The following UMOD variants were observed in gnomAD, a reference collection of about 807,000 sequenced individuals.
UMOD encodes the protein uromodulin, also known as Tamm-Horsfall urinary glycoprotein.
A neutral mutation model predicts 66.0 loss-of-function variants in UMOD; 64 were observed. The ratio of observed to expected loss-of-function variants is 0.97; its 90% CI spans 0.79 to 1.19. UMOD has a LOEUF of 1.19. Among genes scored for constraint, UMOD ranks in the 50% most tolerant of loss-of-function variants. UMOD has a pLI of 0.00. For synonymous variants in UMOD, 398 were observed against 352.7 expected (o/e 1.13, Z -1.44); for missense variants, 764 against 850.9 (o/e 0.90, Z 1.27).
Position 20,337,431 on chromosome 16 carries a change from T to TG in UMOD, c.1599_1600insC (p.Thr534HisfsTer27), listed in dbSNP as rs754109652. 6.2e-7 allele frequency: 1 copy of TG among 1,614,196 alleles called. No individual in the cohort carries two copies. Among genetic ancestry groups the TG allele is most frequent in the East Asian group, 2.2e-5 (1 of 44,880 alleles). ...TCCCCATTCTCCACCACTTGGATAG[T>TG]TGAGTCTCTAGTGTGTGGGCATCTG... On this transcript the variant is annotated frameshift_variant, in exon 8 of 11. Transcript: ENST00000396138. LOFTEE classifies it high-confidence loss of function.
At position 20,352,680 on chromosome 16, in the gene UMOD, T is replaced by C. The variant is rs1047463878; in HGVS notation, c.-103+9A>G. 3 of 1,231,676 alleles carry C rather than the reference T, an allele frequency of 2.4e-6. No individual in the cohort carries two copies. Among genetic ancestry groups the C allele is most frequent in the Non-Finnish European group, 3.0e-6 (3 of 987,922 alleles). 76.3% of individuals were successfully genotyped at this position (1,231,676 alleles called of 1,614,324 possible). On this transcript the variant is annotated intron_variant, in intron 1 of 10. Transcript: ENST00000396138. Reference sequence around the variant, plus strand: ...TGGGCTAGGAGAAGACAGCTACAGATAGCCTTACCTGAAGCCAGAAAGGTA... The same window carrying C: ...TGGGCTAGGAGAAGACAGCTACAGACAGCCTTACCTGAAGCCAGAAAGGTA...
Position 20,337,369 on chromosome 16 carries a change from C to T in UMOD, c.1662G>A (p.Arg554=). The stretch of plus-strand genomic sequence containing the variant: ...AGACTAGGTCATAGTTTCCAGCAAA[C>T]CGGAACATCTGGACGGAAAATCGGC... ...SQGRFSVQMF[R]FAGNYDLVYL... Residue 554 remains arginine, a synonymous_variant, in exon 8 of 11, where the codon CGG becomes CGA. Transcript: ENST00000396138. 4 of 1,614,196 alleles carry T rather than the reference C, an allele frequency of 2.5e-6. No individual in the cohort carries two copies. Among genetic ancestry groups the T allele is most frequent in the Non-Finnish European group, 3.4e-6 (4 of 1,180,042 alleles).
chr16:20,345,165 C>T (rs1489565390), intron 5 of UMOD, among the ~76,000 whole-genome samples: 1 of 152,082 alleles, frequency 6.6e-6, no homozygotes, highest in East Asian at 1.9e-4. Context: ...AGGTGCCCAC[C>T]AACAGGTCCA....
chr16:20,337,428 TA>T lies in UMOD; in HGVS notation c.1602del (p.Ile535SerfsTer27), dbSNP rs767425674. The T allele has an allele frequency of 6.2e-7, 1 of 1,614,200 alleles. No individual in the cohort carries two copies. The highest frequency in any genetic ancestry group is 2.2e-5 in the East Asian group (1 of 44,880). ...QDRCPHTRDS[T>X]IQVVENGESS... ...GACTCCCCATTCTCCACCACTTGGA[TA>T]GTTGAGTCTCTAGTGTGTGGGCATC... is the stretch of plus-strand genomic sequence containing the variant. On this transcript the variant is annotated frameshift_variant, in exon 8 of 11. Transcript: ENST00000396138. LOFTEE classifies it high-confidence loss of function.
chr16:20,344,776 C>A (rs1965449119), intron 5 of UMOD, among the ~76,000 whole-genome samples: 1 of 152,278 alleles, frequency 6.6e-6, no homozygotes, highest in African/African-American at 2.4e-5. Flanking sequence ...TGAGTCATAG[C>A]ATTAGTTCCT....
chr16:20,349,392 G>A (rs1004001956), intron 2 of UMOD, among the ~76,000 whole-genome samples, 180 bp from the exon 3 acceptor site: 8 of 152,186 alleles, frequency 5.3e-5, no homozygotes, highest in African/African-American at 1.4e-4. Flanking sequence ...AGCCTCCACC[G>A]TTCATTCTGT....
At position 20,348,291 on chromosome 16, in the gene UMOD, A is replaced by C. The variant is rs1035965806; in HGVS notation, c.905T>G (p.Ile302Arg). The C allele has an allele frequency of 6.2e-7, 1 of 1,614,228 alleles. No homozygotes were observed. Among genetic ancestry groups the C allele is most frequent in the East Asian group, 2.2e-5 (1 of 44,880 alleles). The change falls in exon 4 of 11, where the codon ATA becomes AGA. Residue 302 changes from isoleucine (I) to arginine (R), a missense_variant. By Grantham distance (97) the Ile-to-Arg change is moderately conservative. Coordinates refer to ENST00000396138, the MANE Select transcript of UMOD (RefSeq NM_003361.4). ...SVEGTCEECS[I>R]DEDCKSNNGR... is the part of the protein sequence containing the mutation. ...ATTATTCGATTTGCAGTCCTCGTCT[A>C]TACTGCACTCCTCACACGTCCCCTC...
At chr16:20,350,544 T>C (rs779316040) in intron 2 of UMOD, 106 bp downstream of exon 2, 2 of 1,375,054 alleles carry the variant, frequency 1.5e-6, no homozygotes, top group Admixed American at 1.9e-5. Flanking sequence ...TCAAGTGCGA[T>C]AGGAGGATTG....
intron 5 of UMOD, 30 bp downstream of exon 5, chr16:20,346,096 T>G: frequency 6.2e-7 from 1 of 1,605,030 alleles, no homozygotes. Flanking sequence ...GGCAGTGCTC[T>G]GGTTCTGTCC....
chr16:20,352,023 A>C lies in UMOD; in HGVS notation c.-103+666T>G, dbSNP rs893627927. Among the ~76,000 whole-genome samples, 89 of 122,888 alleles carry C rather than the reference A, an allele frequency of 7.2e-4. 2 individuals carry two copies. Among genetic ancestry groups the C allele is most frequent in the African/African-American group, 2.0e-3 (52 of 26,488 alleles). 80.6% of individuals were successfully genotyped at this position (122,888 alleles called of 152,430 possible). On this transcript the variant is annotated intron_variant, in intron 1 of 10. Transcript: ENST00000396138. ...ACAGAGAGTCCATCCCCCCCCCCCA[A>C]AAAAAAAAAGACAGAAAGAAAGAAA...
chr16:20,341,474 C>T (rs1463480995), intron 6 of UMOD, 138 bp from the exon 7 acceptor site: 12 of 1,500,860 alleles, frequency 8.0e-6, no homozygotes, highest in Non-Finnish European at 1.1e-5. Flanking sequence ...AACCCACCAA[C>T]TGTTGCTTTG....
In UMOD at chr16:20,333,686, G is replaced by A. The variant is rs576755136; in HGVS notation, c.1862-311C>T. On this transcript the variant is annotated intron_variant, in intron 10 of 10. Coordinates refer to ENST00000396138, the MANE Select transcript of UMOD (RefSeq NM_003361.4). ...CACAGAGAGCAAGCCTCTTAGGAGT[G>A]CTGTGACTCTCCATCTCTGAGCTCA... is the stretch of plus-strand genomic sequence containing the variant. Among the ~76,000 whole-genome samples the A allele has an allele frequency of 2.0e-4, 30 of 152,302 alleles. No homozygotes were observed. In the South Asian group the frequency reaches 6.2e-3, roughly 32 times the overall value.
intron 4 of UMOD, among the ~76,000 whole-genome samples, chr16:20,347,357 G>A (rs564311853): frequency 5.3e-5 from 8 of 152,254 alleles, no homozygotes; most frequent in South Asian, 2.1e-4. Flanking sequence ...AGCAGGCCTC[G>A]GGCTGAGAGT....
rs1298556095 is a variant in UMOD at position 20,350,693 on chromosome 16, G to A, written c.45C>T (p.Ala15=). Residue 15 remains alanine (A), a synonymous_variant, in exon 2 of 11, where the codon GCC becomes GCT. Coordinates refer to ENST00000396138, the MANE Select transcript of UMOD (RefSeq NM_003361.4). ...TGGCTGCAGTTGTGATGAACCAAGA[G>A]GCCACCACCACCATCAGCATCCAAG... ...SLTWMLMVVV[A]SWFITTAATD... is the part of the protein sequence containing the mutation. The A allele has an allele frequency of 5.6e-6, 9 of 1,614,084 alleles. No homozygotes were observed. Among genetic ancestry groups the A allele is most frequent in the Non-Finnish European group, 7.6e-6 (9 of 1,180,024 alleles).
chr16:20,343,250 A>G (rs1567304817), intron 6 of UMOD, among the ~76,000 whole-genome samples: 1 of 149,516 alleles, frequency 6.7e-6, no homozygotes, highest in South Asian at 2.1e-4. Flanking sequence ...ATTTAGCAAC[A>G]GATTCCTTTT....
At chr16:20,355,938 A>T (rs1288880599), upstream of UMOD, among the ~76,000 whole-genome samples, 1 of 151,954 alleles carries the variant, frequency 6.6e-6, no homozygotes, top group Non-Finnish European at 1.5e-5. Context: ...CCAGACTAAA[A>T]CTCAAATCTC....
chr16:20,338,121 G>A (rs1200489109), intron 7 of UMOD, among the ~76,000 whole-genome samples: 1 of 152,192 alleles, frequency 6.6e-6, no homozygotes, highest in Non-Finnish European at 1.5e-5. Flanking sequence ...GGGAGCTTCT[G>A]GGAGTGTTTT....
chr16:20,345,016 T>A (rs963643753), intron 5 of UMOD, among the ~76,000 whole-genome samples: 1 of 152,180 alleles, frequency 6.6e-6, no homozygotes, highest in Non-Finnish European at 1.5e-5. Context: ...ATTATTTCTT[T>A]TTGTTTGTTT....
intron 1 of UMOD, chr16:20,351,458 C>G (rs1965890863): frequency 6.4e-6 from 1 of 157,072 alleles, no homozygotes; most frequent in African/African-American, 2.4e-5. Context: ...TTTATAGCAG[C>G]AAAATAGGGT....
Sources: allele counts gnomAD v4.1 joint callset (sites outside exome capture counted in the v4.1 genomes callset), GRCh38; gene constraint gnomAD v4.1.1; transcripts MANE v1.5; gene names NCBI Gene and HGNC (gene_info 2026-07-23, HGNC 2026-07-21).